The following ZDHHC14 variants were observed in gnomAD, a reference collection of about 807,000 sequenced individuals.
The protein encoded by ZDHHC14 is palmitoyltransferase ZDHHC14.
Under a neutral mutation model 47.7 loss-of-function variants are expected in ZDHHC14, and 16 were observed. The ratio of observed to expected loss-of-function variants is 0.34; its 90% CI spans 0.23 to 0.51. ZDHHC14 has a LOEUF of 0.51. Among genes scored for constraint, ZDHHC14 ranks in the 20% least tolerant of loss-of-function variants. The pLI is 0.97. For missense variants in ZDHHC14, 515 were observed against 662.5 expected, an observed-to-expected ratio of 0.78 and a Z score of 2.44; for synonymous variants, 293 against 278.9, an observed-to-expected ratio of 1.05 and a Z score of -0.50.
At chr6:157,421,015 A>G (rs1249653371) in intron 1 of ZDHHC14, among the ~76,000 whole-genome samples, 1 of 152,186 alleles carries the variant, frequency 6.6e-6, no homozygotes, top group Non-Finnish European at 1.5e-5. Flanking sequence ...AGCAGAACAC[A>G]TCTGAACTAA....
chr6:157,621,730 T>C (rs193015317), intron 3 of ZDHHC14, among the ~76,000 whole-genome samples: 3 of 152,338 alleles, frequency 2.0e-5, no homozygotes, highest in East Asian at 3.9e-4. Flanking sequence ...TGCCAAACAT[T>C]TCGTTCGATC....
At position 157,586,532 on chromosome 6, in the gene ZDHHC14, T is replaced by C. The variant is rs1783703549; in HGVS notation, c.407-6456T>C. Among the ~76,000 whole-genome samples the C allele has an allele frequency of 6.6e-6, 1 of 152,108 alleles. No homozygotes were observed. The highest frequency in any genetic ancestry group is 2.4e-5 in the African/African-American group (1 of 41,418). ...GGATTGTGTGCTGTATGGGAGGGCCTGAGTTTCTTGATGGGACTTGCATTT... is the reference window on the plus strand; with the variant it reads ...GGATTGTGTGCTGTATGGGAGGGCCCGAGTTTCTTGATGGGACTTGCATTT... On this transcript the variant is annotated intron_variant, in intron 2 of 8. Transcript: ENST00000359775. The surrounding 1 kb of genome is among the most constrained non-coding windows in gnomAD (Gnocchi z 4.6).
chr6:157,540,910 G>GTGTGTATATATATATATA (rs1284429244), intron 1 of ZDHHC14, among the ~76,000 whole-genome samples: 7 of 122,980 alleles, frequency 5.7e-5, no homozygotes, highest in African/African-American at 2.6e-4. Flanking sequence ...GTGTGTGTGT[G>GTGTGTATATATATATATA]TATATATATA....
chr6:157,566,554 G>A (rs947799914), intron 2 of ZDHHC14, among the ~76,000 whole-genome samples: 1 of 152,242 alleles, frequency 6.6e-6, no homozygotes, highest in Non-Finnish European at 1.5e-5. Flanking sequence ...AAAATCTCCA[G>A]ACGGCCACTT....
At chr6:157,433,034 C>G (rs916777903) in intron 1 of ZDHHC14, among the ~76,000 whole-genome samples, 5 of 152,260 alleles carry the variant, frequency 3.3e-5, no homozygotes, top group African/African-American at 1.2e-4. Flanking sequence ...CATGGGGCTA[C>G]AGCATCTCAC....
rs565077007 is a variant in ZDHHC14, at chr6:157,411,658, A to C, written c.245+29392A>C. ...AACAAAGAGAGAAAGTAAAAGGTTGAGTACTCTCTGCACTATTTTTGGAGT... is the reference window on the plus strand; with the variant it reads ...AACAAAGAGAGAAAGTAAAAGGTTGCGTACTCTCTGCACTATTTTTGGAGT... On this transcript the variant is annotated intron_variant, in intron 1 of 8. Transcript: ENST00000359775. Among the ~76,000 whole-genome samples the C allele has an allele frequency of 3.4e-4, 52 of 152,096 alleles. 1 individual carries two copies. The highest frequency in any genetic ancestry group is 1.3e-3 in the African/African-American group (52 of 41,478).
chr6:157,677,343 TC>T lies in ZDHHC14; in HGVS notation c.*4222del, dbSNP rs1778986569. On this transcript the variant is annotated 3_prime_UTR_variant, in exon 9 of 9. Coordinates refer to ENST00000359775, the MANE Select transcript of ZDHHC14 (RefSeq NM_024630.3). Reference sequence around the variant, plus strand: ...TTGAAATATTAAACGATCTGAAGCGTCTTTTTTTTTTTCAAATAAATGTCAA... The same window carrying T: ...TTGAAATATTAAACGATCTGAAGCGTTTTTTTTTTTTCAAATAAATGTCAA... The T allele has an allele frequency of 6.8e-6, 1 of 147,916 alleles. No individual in the cohort carries two copies. Among genetic ancestry groups the T allele is most frequent in the Admixed American group, 7.0e-5 (1 of 14,224 alleles). The allele number at this position is 147,916 out of a possible 1,614,324, so 9.2% of individuals were successfully genotyped here.
chr6:157,616,131 T>C (rs1784954374), intron 3 of ZDHHC14, among the ~76,000 whole-genome samples: 1 of 151,604 alleles, frequency 6.6e-6, no homozygotes, highest in Non-Finnish European at 1.5e-5. Context: ...TTGGCAACAG[T>C]GTGGGGGACA....
At position 157,540,888 on chromosome 6, in the gene ZDHHC14, A is replaced by ATGTGTGTG. The variant is rs1171821046; in HGVS notation, c.246-1681_246-1674dup. On this transcript the variant is annotated intron_variant, in intron 1 of 8. Coordinates refer to ENST00000359775, the MANE Select transcript of ZDHHC14 (RefSeq NM_024630.3). ...AACATATATAGATATATATGTATGT[A>ATGTGTGTG]TGTGTGTGTGTGTGTGTGTGTGTAT... Among the ~76,000 whole-genome samples the ATGTGTGTG allele has an allele frequency of 9.7e-4, 124 of 127,396 alleles. 1 individual carries two copies. The highest frequency in any genetic ancestry group is 3.9e-3 in the African/African-American group (107 of 27,614). The allele number at this position is 127,396 out of a possible 152,430, so 83.6% of individuals were successfully genotyped here. A position where few individuals can be genotyped will look rare whatever the true frequency, so the allele number is the denominator to read the frequency against.
chr6:157,468,491 C>T (rs1208481759), intron 1 of ZDHHC14, among the ~76,000 whole-genome samples: 1 of 152,220 alleles, frequency 6.6e-6, no homozygotes, highest in East Asian at 1.9e-4. Flanking sequence ...GAAGGTTCTT[C>T]TCAAGGATTG....
At chr6:157,671,109 G>A (rs916599680) in intron 8 of ZDHHC14, among the ~76,000 whole-genome samples, 6 of 152,176 alleles carry the variant, frequency 3.9e-5, no homozygotes, top group Admixed American at 1.3e-4. Flanking sequence ...GGAAGAGGTC[G>A]GAGCACCTAA....
intron 5 of ZDHHC14, 50 bp from the exon 6 acceptor site, chr6:157,645,687 C>T: frequency 2.0e-6 from 3 of 1,496,458 alleles, no homozygotes; most frequent in Non-Finnish European, 2.8e-6. Flanking sequence ...CCATCACATC[C>T]ACTTCTTGCG....
rs573653152 is a variant in ZDHHC14, at chr6:157,647,176, A to C, written c.856-83A>C. ...GGATTAAAGATGATTTGCATTCTTTATGAGCCTCTCATGGTCCAGCTCACC... is the reference window on the plus strand; with the variant it reads ...GGATTAAAGATGATTTGCATTCTTTCTGAGCCTCTCATGGTCCAGCTCACC... On this transcript the variant is annotated intron_variant, in intron 6 of 8. Transcript: ENST00000359775. The C allele has an allele frequency of 4.7e-5, 42 of 888,312 alleles. No homozygotes were observed. The South Asian group carries it at 7.1e-4, about 15-fold the overall frequency. 55.0% of individuals were successfully genotyped at this position (888,312 alleles called of 1,614,324 possible). A position where few individuals can be genotyped will look rare whatever the true frequency, so the allele number is the denominator to read the frequency against.
chr6:157,546,554 C>T (rs780317998), intron 2 of ZDHHC14, among the ~76,000 whole-genome samples: 6 of 152,162 alleles, frequency 3.9e-5, no homozygotes, highest in Non-Finnish European at 7.3e-5. Flanking sequence ...CTTCTCTCTT[C>T]TGAAAGAATG....
intron 1 of ZDHHC14, among the ~76,000 whole-genome samples, chr6:157,431,245 A>G (rs1778333410): frequency 6.6e-6 from 1 of 152,216 alleles, no homozygotes; most frequent in South Asian, 2.1e-4. Context: ...CTTGTAATTC[A>G]TCCAAATAGA....
chr6:157,518,575 A>G (rs1349965605), intron 1 of ZDHHC14, among the ~76,000 whole-genome samples: 1 of 152,102 alleles, frequency 6.6e-6, no homozygotes, highest in Non-Finnish European at 1.5e-5. Flanking sequence ...TCTGTAGGTG[A>G]CACCCAACCG....
chr6:157,632,757 T>G, intron 4 of ZDHHC14, 77 bp from the exon 5 acceptor site: 1 of 1,320,492 alleles, frequency 7.6e-7, no homozygotes, highest in Non-Finnish European at 1.1e-6. Flanking sequence ...CCATCTATTA[T>G]TTTTTTGTAG....
rs139731533 is a variant in ZDHHC14 at position 157,590,004 on chromosome 6, A to C, written c.407-2984A>C. ...AGAAACTTCTTGGAAACAGGAATAA[A>C]GGTGACTCTTGTTATGATATAGCAA... On this transcript the variant is annotated intron_variant, in intron 2 of 8. Coordinates refer to ENST00000359775, the MANE Select transcript of ZDHHC14 (RefSeq NM_024630.3). Among the ~76,000 whole-genome samples the C allele has an allele frequency of 3.1e-3, 472 of 152,318 alleles. 1 individual carries two copies. Among genetic ancestry groups the C allele is most frequent in the African/African-American group, 0.011 (453 of 41,570 alleles).
At chr6:157,440,685 C>T (rs1220676405) in intron 1 of ZDHHC14, among the ~76,000 whole-genome samples, 1 of 152,078 alleles carries the variant, frequency 6.6e-6, no homozygotes, top group Non-Finnish European at 1.5e-5. Context: ...AATGGATAAG[C>T]AAATTGTGGG....
Sources: allele counts gnomAD v4.1 joint callset (sites outside exome capture counted in the v4.1 genomes callset), GRCh38; gene constraint gnomAD v4.1.1; non-coding constraint Gnocchi (gnomAD v3.1); transcripts MANE v1.5; gene names NCBI Gene and HGNC (gene_info 2026-07-23, HGNC 2026-07-21).